RBFOX1: variants seen among roughly 807,000 people sequenced by gnomAD.
RBFOX1 encodes the protein RNA binding fox-1 homolog 1, also known as RNA binding protein fox-1 homolog 1.
Under a neutral mutation model 57.7 loss-of-function variants are expected in RBFOX1, and 8 were observed. The ratio of observed to expected loss-of-function variants is 0.14; its 90% confidence interval spans 0.08 to 0.25. The LOEUF is 0.25. Among genes scored for constraint, RBFOX1 ranks in the 10% least tolerant of loss-of-function variants. RBFOX1 has a pLI of 1.00. For synonymous variants in RBFOX1, 326 were observed against 222.4 expected (o/e 1.47, Z -4.15); for missense variants, 611 against 548.5 (o/e 1.11, Z -1.14).
At chr16:6,139,363 T>C (rs1412393675) in intron 1 of RBFOX1, among the ~76,000 whole-genome samples, 1 of 152,186 alleles carries the variant, frequency 6.6e-6, no homozygotes, top group East Asian at 1.9e-4. Flanking sequence ...CTCTGCTGCT[T>C]TCTGGCTGTG....
chr16:5,999,822 C>T (rs1397868277), intron 4 of RBFOX1, among the ~76,000 whole-genome samples: 3 of 119,770 alleles, frequency 2.5e-5, no homozygotes, highest in South Asian at 3.0e-4. Context: ...GATCGCAGAT[C>T]GCACCACTGC....
At chr16:6,702,888 A>G (rs545005958) in intron 3 of RBFOX1, among the ~76,000 whole-genome samples, 1 of 152,286 alleles carries the variant, frequency 6.6e-6, no homozygotes, top group East Asian at 1.9e-4. Flanking sequence ...TATCTTCCAA[A>G]TGGAAACTTT....
At chr16:6,999,527 A>G (rs1291003113) in intron 3 of RBFOX1, among the ~76,000 whole-genome samples, 1 of 151,908 alleles carries the variant, frequency 6.6e-6, no homozygotes, top group Non-Finnish European at 1.5e-5. Context: ...ATGTTTTATT[A>G]TGAAAAATTT....
chr16:7,118,321 G>T (rs918731084), intron 4 of RBFOX1, among the ~76,000 whole-genome samples: 1 of 151,948 alleles, frequency 6.6e-6, no homozygotes, highest in African/African-American at 2.4e-5. Flanking sequence ...GTTTTAATTT[G>T]CATTTCCCTG....
intron 4 of RBFOX1, among the ~76,000 whole-genome samples, chr16:7,137,499 G>A (rs888735168): frequency 6.6e-6 from 1 of 152,184 alleles, no homozygotes; most frequent in African/African-American, 2.4e-5. Context: ...CCAATGTAAG[G>A]AGTACCTTTC....
At chr16:6,923,379 C>T (rs2074911406) in intron 3 of RBFOX1, among the ~76,000 whole-genome samples, 2 of 152,066 alleles carry the variant, frequency 1.3e-5, no homozygotes, top group South Asian at 2.1e-4. Context: ...ACTAACAATA[C>T]ACAAATTAGC....
chr16:7,472,845 G>A (rs1479108021), intron 4 of RBFOX1, among the ~76,000 whole-genome samples: 2 of 152,172 alleles, frequency 1.3e-5, no homozygotes, highest in Non-Finnish European at 2.9e-5. Context: ...AGCAGGATAG[G>A]ATGAATTCAT....
At chr16:7,205,049 C>T (rs2089634867) in intron 4 of RBFOX1, among the ~76,000 whole-genome samples, 1 of 152,282 alleles carries the variant, frequency 6.6e-6, no homozygotes, top group Middle Eastern at 3.4e-3. Flanking sequence ...GATGCCACTC[C>T]TCTATGAGAT....
chr16:7,378,353 T>A (rs1360312150), intron 4 of RBFOX1, among the ~76,000 whole-genome samples: 2 of 152,082 alleles, frequency 1.3e-5, no homozygotes, highest in Non-Finnish European at 2.9e-5. Flanking sequence ...ATTGAGAGTA[T>A]GTGTTTGCTA....
chr16:7,197,661 G>A (rs375079332), intron 4 of RBFOX1, among the ~76,000 whole-genome samples: 1 of 152,080 alleles, frequency 6.6e-6, no homozygotes, highest in East Asian at 1.9e-4. Context: ...ATAGCTAAAA[G>A]GTGGAAACAA....
chr16:5,504,845 G>A (rs2043324634), intron 2 of RBFOX1, among the ~76,000 whole-genome samples: 2 of 152,206 alleles, frequency 1.3e-5, no homozygotes, highest in African/African-American at 4.8e-5. Context: ...AGGGCTTGCT[G>A]ACCCCTGTGG....
At chr16:7,366,048 C>A (rs778696952) in intron 4 of RBFOX1, among the ~76,000 whole-genome samples, 1 of 152,136 alleles carries the variant, frequency 6.6e-6, no homozygotes, top group Non-Finnish European at 1.5e-5. Flanking sequence ...TTTTGATTGG[C>A]CTGGCGGAGG....
chr16:6,508,768 T>C (rs942515607), intron 2 of RBFOX1, among the ~76,000 whole-genome samples: 1 of 152,186 alleles, frequency 6.6e-6, no homozygotes, highest in African/African-American at 2.4e-5. Context: ...TTTAAGGCTC[T>C]GTATTAAATT....
intron 1 of RBFOX1, among the ~76,000 whole-genome samples, chr16:5,244,143 T>C (rs1289186225): frequency 6.6e-6 from 1 of 152,184 alleles, no homozygotes; most frequent in Non-Finnish European, 1.5e-5. Context: ...GTGATCTGCC[T>C]GCCTCGGCCT....
At chr16:7,084,994 C>G (rs570048505) in intron 4 of RBFOX1, among the ~76,000 whole-genome samples, 11 of 152,264 alleles carry the variant, frequency 7.2e-5, no homozygotes, top group Non-Finnish European at 1.3e-4. Context: ...GTCCATCCAT[C>G]CATGCATCCC....
intron 3 of RBFOX1, among the ~76,000 whole-genome samples, chr16:7,004,692 A>T (rs1389906179): frequency 2.0e-5 from 3 of 152,256 alleles, no homozygotes; most frequent in African/African-American, 7.2e-5. Flanking sequence ...TACAAAAGCC[A>T]CATCATAACC....
intron 1 of RBFOX1, among the ~76,000 whole-genome samples, chr16:5,416,836 T>G (rs2067174110): frequency 6.6e-6 from 1 of 152,166 alleles, no homozygotes; most frequent in African/African-American, 2.4e-5. Flanking sequence ...CTACATTCAG[T>G]AAGAGGAGGG....
chr16:7,362,533 A>G (rs187187237), intron 4 of RBFOX1, among the ~76,000 whole-genome samples: 4 of 151,282 alleles, frequency 2.6e-5, no homozygotes, highest in Admixed American at 6.6e-5. Flanking sequence ...CATGTGTGTC[A>G]GTGTGTAGAT....
chr16:5,698,694 C>T (rs1243651172), intron 3 of RBFOX1, among the ~76,000 whole-genome samples: 1 of 152,140 alleles, frequency 6.6e-6, no homozygotes, highest in East Asian at 1.9e-4. Flanking sequence ...TTGGAAGCAA[C>T]CCAAATGTCT....
Sources: allele counts gnomAD v4.1 joint callset (sites outside exome capture counted in the v4.1 genomes callset), GRCh38; gene constraint gnomAD v4.1.1; transcripts MANE v1.5; gene names NCBI Gene and HGNC (gene_info 2026-07-23, HGNC 2026-07-21).